The following MMP10 variants were observed in gnomAD, a reference collection of about 807,000 sequenced individuals.
MMP10 encodes the protein stromelysin-2.
MMP10 carries 50 observed loss-of-function variants against 49.1 expected under a neutral mutation model. The ratio of observed to expected loss-of-function variants is 1.02; its 90% CI spans 0.81 to 1.29. The LOEUF is 1.29. Ranked by LOEUF, MMP10 falls within the 50% of genes most tolerant of loss-of-function variation. The pLI is 0.00. For synonymous variants in MMP10, 229 were observed against 201.6 expected (o/e 1.14, Z -1.15); for missense variants, 613 against 563.8 (o/e 1.09, Z -0.88).
chr11:102,775,293 G>C lies in MMP10; in HGVS notation c.961C>G (p.Pro321Ala), dbSNP rs778525609. The change falls in exon 7 of 10, where the codon CCT (proline) becomes GCT (alanine). Residue 321 changes from proline to alanine, a missense_variant. Transcript: ENST00000279441. ...RYFWRRSHWNPEPEFHLISAF... is the reference protein window; with the variant it reads ...RYFWRRSHWNAEPEFHLISAF... ...GAAATCAAATGAAATTCAGGTTCAG[G>C]GTTCCAGTGGGATCTTCGCCAAAAA... The C allele has an allele frequency of 6.2e-7, 1 of 1,609,384 alleles. No individual in the cohort carries two copies. Among genetic ancestry groups the C allele is most frequent in the Non-Finnish European group, 8.5e-7 (1 of 1,177,480 alleles).
rs865906931 is a variant in MMP10 at position 102,775,257 on chromosome 11, G to C, written c.997C>G (p.Pro333Ala). The change falls in exon 7 of 10, where the codon CCC (proline) becomes GCC (alanine). Residue 333 changes from proline (P) to alanine (A), a missense_variant. Coordinates refer to ENST00000279441, the MANE Select transcript of MMP10 (RefSeq NM_002425.3). ...PEFHLISAFW[P>A]SLPSYLDAAY... ...GCATCCAAATATGATGGAAGAGAGGGCCAAAATGCAGAAATCAAATGAAAT... is the reference window on the plus strand; with the variant it reads ...GCATCCAAATATGATGGAAGAGAGGCCCAAAATGCAGAAATCAAATGAAAT... The C allele has an allele frequency of 1.2e-6, 2 of 1,609,478 alleles. No homozygotes were observed. The highest frequency in any genetic ancestry group is 1.1e-5 in the South Asian group (1 of 90,088).
chr11:102,770,773 C>A lies in MMP10; in HGVS notation c.*20G>T, dbSNP rs1347568871. On this transcript the variant is annotated 3_prime_UTR_variant, in exon 10 of 10. Transcript: ENST00000279441. ...TTAGATTTATTAAAAACACCCATAT[C>A]TGTCTTCCCCCTATCTCGCCTAGCA... The A allele has an allele frequency of 6.8e-7, 1 of 1,478,868 alleles. No homozygotes were observed. 91.6% of individuals were successfully genotyped at this position (1,478,868 alleles called of 1,614,324 possible). A position where few individuals can be genotyped will look rare whatever the true frequency, so the allele number is the denominator to read the frequency against.
At position 102,770,796 on chromosome 11, in the gene MMP10, G is replaced by A. The variant is rs371073877; in HGVS notation, c.1428C>T (p.Cys476=). The A allele has an allele frequency of 5.0e-6, 8 of 1,595,030 alleles. No homozygotes were observed. The Admixed American group carries it at 5.1e-5, about 10-fold the overall frequency. The change falls in exon 10 of 10, where the codon TGC becomes TGT. Residue 476 remains cysteine (C), a synonymous_variant. Transcript: ENST00000279441. ...ATCTGTCTTCCCCCTATCTCGCCTA[G>A]CAATGTAACCAGCTGTTACTCTTTA... is the stretch of plus-strand genomic sequence containing the variant. The part of the protein sequence containing the change: ...HILKSNSWLH[C]
intron 4 of MMP10, among the ~76,000 whole-genome samples, chr11:102,778,142 G>T (rs1353333340): frequency 6.6e-6 from 1 of 152,214 alleles, no homozygotes; most frequent in African/African-American, 2.4e-5. Flanking sequence ...GCTAGAGACA[G>T]TGACATGTTT....
rs1159431588 is a variant in MMP10 at position 102,779,512 on chromosome 11, A to T, written c.339T>A (p.Leu113=). 2 of 1,613,958 alleles carry T rather than the reference A, an allele frequency of 1.2e-6. No individual in the cohort carries two copies. Among genetic ancestry groups the T allele is most frequent in the Non-Finnish European group, 1.7e-6 (2 of 1,180,028 alleles). ...PGMPKWRKTH[L]TYRIVNYTPD... is the part of the protein sequence containing the mutation. ...CTAATCTGAACCATTACCTGTATGT[A>T]AGGTGGGTTTTCCTCCACTTCGGCA... Residue 113 remains leucine, a synonymous_variant, in exon 2 of 10, where the codon CTT becomes CTA. Transcript: ENST00000279441.
Position 102,772,854 on chromosome 11 carries a change from A to G in MMP10, c.1219T>C (p.Tyr407His). ...KKTYFFAADK[Y>H]WRFDENSQSM... ...ATTTCTCTTGCATCTCACCTCCAGT[A>G]TTTGTCCGCTGCAAAGAAGTATGTT... Residue 407 changes from tyrosine (Y) to histidine (H), a missense_variant, in exon 8 of 10, where the codon TAC becomes CAC. Tyr to His is a moderately conservative substitution (Grantham distance 83). Coordinates refer to ENST00000279441, the MANE Select transcript of MMP10 (RefSeq NM_002425.3). This position sits in a 1 kb window ranked among gnomAD's most constrained non-coding sequence, Gnocchi z 4.4. 6.2e-7 allele frequency: 1 copy of G among 1,609,756 alleles called. No individual in the cohort carries two copies. The highest frequency in any genetic ancestry group is 8.5e-7 in the Non-Finnish European group (1 of 1,178,634).
At position 102,779,525 on chromosome 11, in the gene MMP10, C is replaced by T. The variant is rs747392263; in HGVS notation, c.326G>A (p.Arg109Lys). The T allele has an allele frequency of 6.2e-7, 1 of 1,613,994 alleles. No individual in the cohort carries two copies. The highest frequency in any genetic ancestry group is 1.1e-5 in the South Asian group (1 of 91,076). ...TTACCTGTATGTAAGGTGGGTTTTCCTCCACTTCGGCATGCCAGGAAAGGA... is the reference window on the plus strand; with the variant it reads ...TTACCTGTATGTAAGGTGGGTTTTCTTCCACTTCGGCATGCCAGGAAAGGA... ...FSSFPGMPKW[R>K]KTHLTYRIVN... is the part of the protein sequence containing the mutation. The change falls in exon 2 of 10, where the codon AGG (arginine) becomes AAG (lysine). Residue 109 changes from arginine to lysine, a missense_variant. Coordinates refer to ENST00000279441, the MANE Select transcript of MMP10 (RefSeq NM_002425.3).
intron 9 of MMP10, 63 bp downstream of exon 9, chr11:102,771,949 T>C: frequency 1.9e-6 from 2 of 1,042,576 alleles, no homozygotes; most frequent in Non-Finnish European, 2.9e-6. Context: ...TTCTGCACTT[T>C]ATTTTGAAAT....
Position 102,770,800 on chromosome 11 carries a change from T to A in MMP10, c.1424A>T (p.His475Leu), listed in dbSNP as rs17861009. 1,438 of 1,601,470 alleles carry A rather than the reference T, an allele frequency of 9.0e-4. 4 individuals carry two copies. In the Middle Eastern group the frequency reaches 0.011, roughly 12 times the overall value. ...GTCTTCCCCCTATCTCGCCTAGCAA[T>A]GTAACCAGCTGTTACTCTTTAATAT... is the stretch of plus-strand genomic sequence containing the variant. Reference protein sequence around the residue: ...THILKSNSWLHC With the variant: ...THILKSNSWLLC Residue 475 changes from histidine (H) to leucine (L), a missense_variant, in exon 10 of 10, where the codon CAT becomes CTT. Coordinates refer to ENST00000279441, the MANE Select transcript of MMP10 (RefSeq NM_002425.3).
Position 102,772,764 on chromosome 11 carries a change from T to C in MMP10, c.1226+83A>G. 7.2e-7 allele frequency: 1 copy of C among 1,394,400 alleles called. No homozygotes were observed. Among genetic ancestry groups the C allele is most frequent in the South Asian group, 1.4e-5 (1 of 71,470 alleles). 86.4% of individuals were successfully genotyped at this position (1,394,400 alleles called of 1,614,324 possible). On this transcript the variant is annotated intron_variant, in intron 8 of 9. Coordinates refer to ENST00000279441, the MANE Select transcript of MMP10 (RefSeq NM_002425.3). The surrounding 1 kb of genome is among the most constrained non-coding windows in gnomAD (Gnocchi z 4.4). ...AAGTTAGAGAAAGTTAGAGGGTGGG[T>C]GTAGGGTAGGGAAATATCCTTAAAG...
At position 102,779,540 on chromosome 11, in the gene MMP10, C is replaced by T. The variant is rs1017033972; in HGVS notation, c.311G>A (p.Gly104Asp). ...PDVGHFSSFP[G>D]MPKWRKTHLT... ...GTGGGTTTTCCTCCACTTCGGCATG[C>T]CAGGAAAGGAGCTGAAGTGACCAAC... Residue 104 changes from glycine (G) to aspartate (D), a missense_variant, in exon 2 of 10, where the codon GGC becomes GAC. Transcript: ENST00000279441. 1 of 1,614,052 alleles carries T rather than the reference C, an allele frequency of 6.2e-7. No individual in the cohort carries two copies. The highest frequency in any genetic ancestry group is 1.3e-5 in the African/African-American group (1 of 75,040).
At chr11:102,775,419 G>A in intron 6 of MMP10, 98 bp from the exon 7 acceptor site, 1 of 1,038,788 alleles carries the variant, frequency 9.6e-7, no homozygotes, top group Non-Finnish European at 1.4e-6. Flanking sequence ...CCCATTCATA[G>A]AAGTCTGTAT....
At chr11:102,771,091 C>G (rs1401864465) in intron 9 of MMP10, among the ~76,000 whole-genome samples, 198 bp from the exon 10 acceptor site, 1 of 152,022 alleles carries the variant, frequency 6.6e-6, no homozygotes, top group Non-Finnish European at 1.5e-5. Context: ...TTAATGAGAA[C>G]AAAACTAAAA....
chr11:102,774,858 C>A (rs1284755846), intron 7 of MMP10, among the ~76,000 whole-genome samples: 1 of 152,150 alleles, frequency 6.6e-6, no homozygotes, highest in Non-Finnish European at 1.5e-5. Flanking sequence ...CTATTCTTGG[C>A]CTTTCCTCTG....
chr11:102,774,173 T>A (rs1163800954), intron 7 of MMP10, among the ~76,000 whole-genome samples: 1 of 152,084 alleles, frequency 6.6e-6, no homozygotes, highest in Non-Finnish European at 1.5e-5. Flanking sequence ...TTGAACAAAA[T>A]GAAAATACTG....
At position 102,775,208 on chromosome 11, in the gene MMP10, T is replaced by C; in HGVS notation, c.1046A>G (p.Asp349Gly). ...CTCACCTTTAAAAATAAAAACGGTG[T>C]CCCTGCTGTTAACTTCATATGCAGC... Reference protein sequence around the residue: ...LDAAYEVNSRDTVFIFKGNEF... With the variant: ...LDAAYEVNSRGTVFIFKGNEF... Residue 349 changes from aspartate (D) to glycine (G), a missense_variant, in exon 7 of 10, where the codon GAC becomes GGC. Transcript: ENST00000279441. 4.4e-6 allele frequency: 7 copies of C among 1,598,872 alleles called. No individual in the cohort carries two copies. The highest frequency in any genetic ancestry group is 6.0e-6 in the Non-Finnish European group (7 of 1,172,834).
At chr11:102,771,168 T>C (rs912846502) in intron 9 of MMP10, among the ~76,000 whole-genome samples, 1 of 152,216 alleles carries the variant, frequency 6.6e-6, no homozygotes, top group African/African-American at 2.4e-5. Flanking sequence ...GGACTCCATC[T>C]CATCTGACTC....
rs1857798674 is a variant in MMP10 at position 102,779,692 on chromosome 11, T to C, written c.159A>G (p.Arg53=). The C allele has an allele frequency of 2.5e-6, 4 of 1,614,022 alleles. No individual in the cohort carries two copies. Among genetic ancestry groups the C allele is most frequent in the Middle Eastern group, 1.6e-4 (1 of 6,062 alleles). ...TTTTAACAATGAGATTACTGTCCTTTCTTCTAAACTGTTTCACATCCTTTT... is the reference window on the plus strand; with the variant it reads ...TTTTAACAATGAGATTACTGTCCTTCCTTCTAAACTGTTTCACATCCTTTT... ...NLEKDVKQFR[R]KDSNLIVKKI... Residue 53 remains arginine (R), a synonymous_variant, in exon 2 of 10, where the codon AGA becomes AGG. Coordinates refer to ENST00000279441, the MANE Select transcript of MMP10 (RefSeq NM_002425.3).
chr11:102,775,008 C>G (rs1403999893), intron 7 of MMP10, among the ~76,000 whole-genome samples, 180 bp downstream of exon 7: 1 of 152,144 alleles, frequency 6.6e-6, no homozygotes, highest in Non-Finnish European at 1.5e-5. Context: ...GGAATGCCAC[C>G]TATTTTCTTA....
Sources: allele counts gnomAD v4.1 joint callset (sites outside exome capture counted in the v4.1 genomes callset), GRCh38; gene constraint gnomAD v4.1.1; non-coding constraint Gnocchi (gnomAD v3.1); transcripts MANE v1.5; gene names NCBI Gene and HGNC (gene_info 2026-07-23, HGNC 2026-07-21).